Variants in SKAP1 observed in about 807,000 individuals in gnomAD.
SKAP1 encodes src kinase-associated phosphoprotein 1.
Under a neutral mutation model 58.5 loss-of-function variants are expected in SKAP1, and 44 were observed. The observed-to-expected ratio is 0.75, with a 90% CI of 0.59 to 0.97. The LOEUF is 0.97. SKAP1 is among the 50% of genes least tolerant of loss of function. The probability of loss-of-function intolerance (pLI) is 0.00; values close to 1 mark genes in which losing one functional copy is unlikely to be tolerated. For synonymous variants in SKAP1, 127 were observed against 149.7 expected (o/e 0.85, Z 1.11); for missense variants, 390 against 435.2 (o/e 0.90, Z 0.92).
At chr17:48,212,126 C>A (rs560675226) in intron 4 of SKAP1, among the ~76,000 whole-genome samples, 1 of 151,748 alleles carries the variant, frequency 6.6e-6, no homozygotes, top group East Asian at 1.9e-4. Context: ...CCTTATGAAC[C>A]TAGAATATCC....
intron 4 of SKAP1, among the ~76,000 whole-genome samples, chr17:48,250,578 GC>G (rs2065353120): frequency 1.3e-5 from 2 of 152,098 alleles, no homozygotes; most frequent in African/African-American, 4.8e-5. Flanking sequence ...ACCACGCCTG[GC>G]CATAGATAGT....
At chr17:48,318,415 A>G (rs1217287499) in intron 4 of SKAP1, among the ~76,000 whole-genome samples, 2 of 152,168 alleles carry the variant, frequency 1.3e-5, no homozygotes, top group Admixed American at 6.5e-5. Context: ...TAATTACATC[A>G]AGACTGATAT....
At chr17:48,443,772 G>C in the SKAP1 span, among the ~76,000 whole-genome samples, 2 of 151,910 alleles carry the variant, frequency 1.3e-5, no homozygotes, top group Non-Finnish European at 2.9e-5. Context: ...CACCATGCCT[G>C]GCCTGTTGGG....
intron 4 of SKAP1, among the ~76,000 whole-genome samples, chr17:48,211,099 T>A (rs2064866935): frequency 2.0e-5 from 3 of 152,114 alleles, no homozygotes; most frequent in Admixed American, 2.0e-4. Context: ...TGATCACATT[T>A]ATTAGAAGGG....
chr17:48,320,881 G>A (rs2066353675), intron 4 of SKAP1, among the ~76,000 whole-genome samples: 2 of 152,200 alleles, frequency 1.3e-5, no homozygotes, highest in South Asian at 2.1e-4. Context: ...TGGGCAAGGA[G>A]CAGCAGAAGG....
At chr17:48,389,609 A>G (rs1385495781) in intron 2 of SKAP1, among the ~76,000 whole-genome samples, 4 of 152,160 alleles carry the variant, frequency 2.6e-5, no homozygotes, top group African/African-American at 9.6e-5. Context: ...TTCCTGTGGG[A>G]TTGATTTTTT....
intron 4 of SKAP1, among the ~76,000 whole-genome samples, chr17:48,275,350 C>T (rs990602997): frequency 1.3e-5 from 2 of 152,166 alleles, no homozygotes; most frequent in Non-Finnish European, 2.9e-5. Flanking sequence ...CTGGGTTCTC[C>T]TCCTACCTCT....
rs949722354 is a variant in SKAP1 at position 48,253,977 on chromosome 17, A to T, written c.281-64477T>A. ...GTTCCTTCAGAAAAAAATAAGAAAA[A>T]GTAGTTTTAAAATGAGATTATGCAC... On this transcript the variant is annotated intron_variant, in intron 4 of 12. Coordinates refer to ENST00000336915, the MANE Select transcript of SKAP1 (RefSeq NM_003726.4). Among the ~76,000 whole-genome samples, 5 of 152,198 alleles carry T rather than the reference A, an allele frequency of 3.3e-5. No homozygotes were observed. In the East Asian group the frequency reaches 9.6e-4, roughly 29 times the overall value.
chr17:48,285,974 T>C (rs1465852256), intron 4 of SKAP1, among the ~76,000 whole-genome samples: 1 of 152,144 alleles, frequency 6.6e-6, no homozygotes, highest in African/African-American at 2.4e-5. Flanking sequence ...ACTGTGAGAA[T>C]TAAAATGAGA....
chr17:48,182,920 A>G (rs190825685), intron 7 of SKAP1, among the ~76,000 whole-genome samples: 2 of 152,268 alleles, frequency 1.3e-5, no homozygotes, highest in African/African-American at 4.8e-5. Flanking sequence ...TTTAAAGAAG[A>G]GTTGGTGGAA....
chr17:48,168,620 G>C (rs559789465), intron 10 of SKAP1, among the ~76,000 whole-genome samples: 1 of 152,338 alleles, frequency 6.6e-6, no homozygotes, highest in African/African-American at 2.4e-5. Context: ...TAGCGCCATT[G>C]CACTCCAGCC....
chr17:48,179,774 C>T (rs539893421), intron 9 of SKAP1, among the ~76,000 whole-genome samples: 28 of 152,292 alleles, frequency 1.8e-4, no homozygotes, highest in Non-Finnish European at 3.7e-4. Context: ...TAAAAACCAA[C>T]GTAAGTATTG....
At chr17:48,205,848 A>G (rs939270966) in intron 4 of SKAP1, among the ~76,000 whole-genome samples, 3 of 152,174 alleles carry the variant, frequency 2.0e-5, no homozygotes, top group Non-Finnish European at 4.4e-5. Flanking sequence ...AGGTTTTCAG[A>G]CATTCAAAGT....
At chr17:48,318,556 T>C (rs2066319269) in intron 4 of SKAP1, among the ~76,000 whole-genome samples, 1 of 152,242 alleles carries the variant, frequency 6.6e-6, no homozygotes, top group Non-Finnish European at 1.5e-5. Context: ...TATTTGTAAC[T>C]GTCCTTTTAA....
rs575788740 is a variant in SKAP1 at position 48,269,345 on chromosome 17, A to G, written c.280+76560T>C. ...AAAATAACTTCTGTGTGTAACAACTATCTGTCTACACCAGGACTAGAGATC... is the reference window on the plus strand; with the variant it reads ...AAAATAACTTCTGTGTGTAACAACTGTCTGTCTACACCAGGACTAGAGATC... On this transcript the variant is annotated intron_variant, in intron 4 of 12. Transcript: ENST00000336915. Among the ~76,000 whole-genome samples, 11 of 152,266 alleles carry G rather than the reference A, an allele frequency of 7.2e-5. 1 individual carries two copies. The South Asian group carries it at 2.3e-3, about 32-fold the overall frequency.
chr17:48,256,964 CAA>C (rs2065430054), intron 4 of SKAP1, among the ~76,000 whole-genome samples: 1 of 151,874 alleles, frequency 6.6e-6, no homozygotes, highest in African/African-American at 2.4e-5. Context: ...CCCCTAAAGT[CAA>C]AGAGGTTTTA....
At chr17:48,443,457 A>AGTTT in the SKAP1 span, among the ~76,000 whole-genome samples, 21 of 109,090 alleles carry the variant, frequency 1.9e-4, no homozygotes, top group Non-Finnish European at 3.3e-4. Context: ...CTACAAGGTA[A>AGTTT]GTCTGTTTGT....
chr17:48,159,011 A>C (rs1387716560), intron 11 of SKAP1, among the ~76,000 whole-genome samples: 1 of 149,738 alleles, frequency 6.7e-6, no homozygotes, highest in Non-Finnish European at 1.5e-5. Context: ...GGAGCCTACG[A>C]CTAAAGCTGC....
chr17:48,248,905 C>T (rs1209363314), intron 4 of SKAP1: 1 of 152,056 alleles, frequency 6.6e-6, no homozygotes, highest in Admixed American at 6.5e-5. Context: ...TAGATAAGAA[C>T]ATTTAATTAG....
Sources: gnomAD v4.1 joint callset for allele counts (sites outside exome capture counted in the v4.1 genomes callset) on GRCh38, gnomAD v4.1.1 for gene constraint, MANE v1.5 for transcripts, NCBI Gene and HGNC (gene_info 2026-07-23, HGNC 2026-07-21) for gene names.